STIM1: variants seen among roughly 807,000 people sequenced by gnomAD.
STIM1 encodes stromal interaction molecule 1.
Under a neutral mutation model 74.7 loss-of-function variants are expected in STIM1, and 25 were observed. That is an observed-to-expected ratio of 0.33 (90% CI 0.24 to 0.47). The LOEUF (loss-of-function observed/expected upper bound fraction) is 0.47. Ranked by LOEUF, STIM1 falls within the 20% of genes least tolerant of loss-of-function variation. The pLI, the probability that STIM1 is intolerant of heterozygous loss-of-function variation, is 1.00. For missense variants in STIM1, 728 were observed against 920.8 expected, an observed-to-expected ratio of 0.79 and a Z score of 2.71; for synonymous variants, 328 against 348.8, an observed-to-expected ratio of 0.94 and a Z score of 0.66.
At chr11:4,039,300 A>C (rs1590666492) in intron 3 of STIM1, among the ~76,000 whole-genome samples, 1 of 152,028 alleles carries the variant, frequency 6.6e-6, no homozygotes. Context: ...TCTGAAAAAA[A>C]GAAAGAAGCT....
rs397514677 is a variant in STIM1 at position 4,023,928 on chromosome 11, A to G, written c.326A>G (p.His109Arg). Residue 109 changes from histidine to arginine, a missense_variant, in exon 3 of 13, where the codon CAT becomes CGT. By Grantham distance (29) the His-to-Arg change is conservative (BLOSUM62 0). Transcript: ENST00000526596. The part of the protein sequence containing the change: ...HDPTVKHSTF[H>R]GEDKLISVED... ...CCAACAGTGAAACACAGCACCTTCC[A>G]TGGTGAGGATAAGCTCATCAGCGTG... 1 of 1,614,120 alleles carries G rather than the reference A, an allele frequency of 6.2e-7. No individual in the cohort carries two copies. Among genetic ancestry groups the G allele is most frequent in the Non-Finnish European group, 8.5e-7 (1 of 1,179,986 alleles).
At chr11:4,056,774 G>A (rs973155824) in intron 4 of STIM1, among the ~76,000 whole-genome samples, 1 of 152,238 alleles carries the variant, frequency 6.6e-6, no homozygotes, top group African/African-American at 2.4e-5. Context: ...TTTATAGAGT[G>A]CTTTCCTACA....
At chr11:3,956,516 A>G (rs1383829162) in intron 1 of STIM1, among the ~76,000 whole-genome samples, 2 of 152,180 alleles carry the variant, frequency 1.3e-5, no homozygotes, top group African/African-American at 4.8e-5. Flanking sequence ...GTCCTAAGTG[A>G]AACTTGAACC....
chr11:3,874,878 A>G (rs1336056652), intron 1 of STIM1, among the ~76,000 whole-genome samples: 2 of 152,260 alleles, frequency 1.3e-5, no homozygotes, highest in South Asian at 2.1e-4. Context: ...TAGTTTTTCA[A>G]ATAAGGCCCC....
chr11:4,009,973 T>C (rs2093820064), intron 2 of STIM1, among the ~76,000 whole-genome samples: 1 of 151,958 alleles, frequency 6.6e-6, no homozygotes, highest in South Asian at 2.1e-4. Flanking sequence ...CCACCACATG[T>C]AGCTAATTTT....
At chr11:3,898,740 C>G (rs2092263193) in intron 1 of STIM1, among the ~76,000 whole-genome samples, 1 of 150,574 alleles carries the variant, frequency 6.6e-6, no homozygotes, top group African/African-American at 2.4e-5. Flanking sequence ...ATATGGCTAG[C>G]CAGTTTTCCC....
chr11:3,941,671 T>TAGAGAGAGAGAG (rs1372399472), intron 1 of STIM1, among the ~76,000 whole-genome samples: 215 of 76,102 alleles, frequency 2.8e-3, no homozygotes, highest in East Asian at 5.8e-3. Flanking sequence ...TATATATATA[T>TAGAGAGAGAGAG]ATAGAGAGAG....
chr11:3,960,900 A>G (rs1565128876), intron 1 of STIM1, among the ~76,000 whole-genome samples: 2 of 152,342 alleles, frequency 1.3e-5, no homozygotes, highest in South Asian at 2.1e-4. Context: ...TTCCATAAAA[A>G]TATTATTTAC....
intron 1 of STIM1, among the ~76,000 whole-genome samples, chr11:3,882,245 G>A (rs371837696): frequency 3.6e-4 from 54 of 151,608 alleles, no homozygotes; most frequent in African/African-American, 1.3e-3. Flanking sequence ...GATTACAGGC[G>A]TGCGCCACCA....
In STIM1 at chr11:4,084,777, C is replaced by T. The variant is rs1015304971; in HGVS notation, c.1567+12C>T. The T allele has an allele frequency of 7.8e-7, 1 of 1,289,076 alleles. No individual in the cohort carries two copies. Among genetic ancestry groups the T allele is most frequent in the African/African-American group, 1.5e-5 (1 of 65,832 alleles). The allele number at this position is 1,289,076 out of a possible 1,614,324, so 79.9% of individuals were successfully genotyped here. A position where few individuals can be genotyped will look rare whatever the true frequency, so the allele number is the denominator to read the frequency against. ...CTGGAAATACCCCGGTTTGAGGAGC[C>T]CCTTTGGGGCATTTTGTTTTTCTGA... On this transcript the variant is annotated intron_variant, in intron 11 of 12. Coordinates refer to ENST00000526596, the MANE Select transcript of STIM1 (RefSeq NM_001382567.1).
chr11:3,932,506 C>T (rs372218400), intron 1 of STIM1, among the ~76,000 whole-genome samples: 2 of 151,862 alleles, frequency 1.3e-5, no homozygotes, highest in East Asian at 3.9e-4. Flanking sequence ...ATTAAAATTA[C>T]AAAAAATCAG....
intron 5 of STIM1, among the ~76,000 whole-genome samples, chr11:4,069,141 C>A (rs1361455925): frequency 6.6e-6 from 1 of 152,212 alleles, no homozygotes; most frequent in Non-Finnish European, 1.5e-5. Flanking sequence ...GTCTTTTGTG[C>A]TGTGGCACAG....
At chr11:4,071,417 C>A (rs2094402787) in intron 6 of STIM1, among the ~76,000 whole-genome samples, 1 of 151,982 alleles carries the variant, frequency 6.6e-6, no homozygotes, top group African/African-American at 2.4e-5. Flanking sequence ...ATAGCATGAA[C>A]ATGGCTCACT....
chr11:3,993,506 A>G (rs1335958600), intron 2 of STIM1, among the ~76,000 whole-genome samples: 3 of 152,118 alleles, frequency 2.0e-5, no homozygotes, highest in African/African-American at 7.2e-5. Flanking sequence ...AAAATACAAA[A>G]TTAGCCGGGC....
intron 1 of STIM1, among the ~76,000 whole-genome samples, chr11:3,960,246 TAAATG>T (rs2093271211): frequency 6.6e-6 from 1 of 152,210 alleles, no homozygotes; most frequent in Non-Finnish European, 1.5e-5. Context: ...TTCTTGTAAA[TAAATG>T]AAATGCATCT....
At chr11:3,904,847 G>T (rs1010216114) in intron 1 of STIM1, among the ~76,000 whole-genome samples, 13 of 152,116 alleles carry the variant, frequency 8.5e-5, no homozygotes, top group Non-Finnish European at 1.9e-4. Flanking sequence ...CTGGTAGTTG[G>T]GGGAGAAGAC....
intron 12 of STIM1, chr11:4,088,843 T>G (rs2133252007): frequency 1.6e-6 from 2 of 1,230,992 alleles, no homozygotes; most frequent in East Asian, 5.1e-5. Context: ...CCTGCCTCAC[T>G]GGGCCTTTTC....
chr11:4,028,418 T>C (rs35695744), intron 3 of STIM1, among the ~76,000 whole-genome samples: 10,268 of 151,244 alleles, frequency 0.068, 376 homozygotes, highest in Middle Eastern at 0.089. Context: ...TCTTTTCTTT[T>C]TTTTTTTCGA....
At chr11:4,085,501 C>G (rs1394214490) in intron 11 of STIM1, among the ~76,000 whole-genome samples, 1 of 152,218 alleles carries the variant, frequency 6.6e-6, no homozygotes, top group East Asian at 1.9e-4. Context: ...GCAGCCTGAT[C>G]CAAGAGCTGG....
Sources: gnomAD v4.1 joint callset for allele counts (sites outside exome capture counted in the v4.1 genomes callset) on GRCh38, gnomAD v4.1.1 for gene constraint, MANE v1.5 for transcripts, NCBI Gene and HGNC (gene_info 2026-07-23, HGNC 2026-07-21) for gene names.